MTARC2: variants seen among roughly 807,000 people sequenced by gnomAD.
MTARC2 encodes mitochondrial amidoxime reducing component 2, also known as MOCO sulphurase C-terminal domain containing 2.
Under a neutral mutation model 35.6 loss-of-function variants are expected in MTARC2, and 27 were observed. The observed-to-expected ratio is 0.76, with a 90% CI of 0.56 to 1.04. MTARC2 has a LOEUF of 1.04. Ranked by LOEUF, MTARC2 falls within the 50% of genes least tolerant of loss-of-function variation. MTARC2 has a pLI of 0.00. For synonymous variants in MTARC2, 158 were observed against 167.1 expected, an observed-to-expected ratio of 0.95 and a Z score of 0.42; for missense variants, 412 against 432.5, an observed-to-expected ratio of 0.95 and a Z score of 0.42.
intron 4 of MTARC2, chr1:220,770,459 T>C (rs6697965): frequency 0.23 from 228,530 of 984,974 alleles, 29,562 homozygotes; most frequent in East Asian, 0.68. Context: ...AACGCACGCT[T>C]ATCGATCCCT....
At chr1:220,759,428 C>T (rs1430332958) in intron 2 of MTARC2, among the ~76,000 whole-genome samples, 1 of 152,090 alleles carries the variant, frequency 6.6e-6, no homozygotes, top group South Asian at 2.1e-4. Context: ...GATGGCATGG[C>T]AGAGGGAGCG....
In MTARC2 at chr1:220,761,730, A is replaced by C; in HGVS notation, c.519A>C (p.Lys173Asn). Residue 173 changes from lysine (K) to asparagine (N), a missense_variant, in exon 3 of 8, where the codon AAA becomes AAC. Transcript: ENST00000366913. ...EAAKWFTNFL[K>N]TEAYRLVQFE... ...CTAAGTGGTTCACCAACTTCTTGAA[A>C]ACTGAAGCGTATAGATTGGTTCAAT... 6.2e-7 allele frequency: 1 copy of C among 1,614,156 alleles called. No homozygotes were observed. The highest frequency in any genetic ancestry group is 8.5e-7 in the Non-Finnish European group (1 of 1,180,026).
chr1:220,774,384 A>G (rs1327065119), intron 4 of MTARC2, among the ~76,000 whole-genome samples: 2 of 152,216 alleles, frequency 1.3e-5, no homozygotes, highest in Non-Finnish European at 2.9e-5. Context: ...ATAATCATGT[A>G]GAGTCATTGA....
intron 2 of MTARC2, chr1:220,756,571 G>A (rs140799608): frequency 6.6e-6 from 1 of 152,354 alleles, no homozygotes; most frequent in African/African-American, 2.4e-5. Context: ...GTTTGTGTAG[G>A]GAGAAGAAAA....
intron 7 of MTARC2, among the ~76,000 whole-genome samples, chr1:220,782,397 G>A (rs1268682494): frequency 6.6e-6 from 1 of 151,712 alleles, no homozygotes; most frequent in African/African-American, 2.4e-5. Context: ...ATTGAAGTTT[G>A]AAAAAAAATC....
In MTARC2 at chr1:220,748,736, A is replaced by G. The variant is rs906446979; in HGVS notation, c.205A>G (p.Lys69Glu). Residue 69 changes from lysine to glutamate, a missense_variant, in exon 1 of 8, where the codon AAA becomes GAA. Physicochemically the swap from Lys to Glu is moderately conservative, Grantham distance 56. Coordinates refer to ENST00000366913, the MANE Select transcript of MTARC2 (RefSeq NM_017898.5). ...CTGGATCTACCCGGTGAAATCCTGC[A>G]AAGGGGTGCCGGTGAGCGAGGCTGA... ...KLWIYPVKSC[K>E]GVPVSEAECT... 2 of 1,600,486 alleles carry G rather than the reference A, an allele frequency of 1.2e-6. No individual in the cohort carries two copies. The highest frequency in any genetic ancestry group is 1.7e-5 in the Admixed American group (1 of 58,926).
chr1:220,754,986 T>A lies in MTARC2; in HGVS notation c.312T>A (p.Thr104=). Residue 104 remains threonine (T), a synonymous_variant, in exon 2 of 8, where the codon ACT becomes ACA. Coordinates refer to ENST00000366913, the MANE Select transcript of MTARC2 (RefSeq NM_017898.5). ...TTAAGGAAGATGGACACATGGTCACTGCCCGACAGGAGCCTCGCCTCGTGC... is the reference window on the plus strand; with the variant it reads ...TTAAGGAAGATGGACACATGGTCACAGCCCGACAGGAGCCTCGCCTCGTGC... ...LVIKEDGHMV[T]ARQEPRLVLI... The A allele has an allele frequency of 1.2e-6, 2 of 1,610,360 alleles. No individual in the cohort carries two copies. Among genetic ancestry groups the A allele is most frequent in the Non-Finnish European group, 1.7e-6 (2 of 1,178,320 alleles).
At chr1:220,780,969 C>G (rs1360688233) in intron 6 of MTARC2, among the ~76,000 whole-genome samples, 4 of 134,286 alleles carry the variant, frequency 3.0e-5, no homozygotes, top group Non-Finnish European at 6.2e-5. Flanking sequence ...AATGAGTTGT[C>G]AGAGCTTTTT....
rs1444877197 is a variant in MTARC2, at chr1:220,784,520, C to T, written c.*633C>T. 2 of 152,272 alleles carry T rather than the reference C, an allele frequency of 1.3e-5. No homozygotes were observed. Among genetic ancestry groups the T allele is most frequent in the East Asian group, 3.9e-4 (2 of 5,190 alleles). 9.4% of individuals were successfully genotyped at this position (152,272 alleles called of 1,614,324 possible). A position where few individuals can be genotyped will look rare whatever the true frequency, so the allele number is the denominator to read the frequency against. On this transcript the variant is annotated 3_prime_UTR_variant, in exon 8 of 8. Transcript: ENST00000366913. The stretch of plus-strand genomic sequence containing the variant: ...AGTACTCTATTACACCTTTACTAAG[C>T]CACATAAAAGTAATCTGTTTGTGTG...
chr1:220,753,870 C>T (rs551175058), intron 1 of MTARC2, among the ~76,000 whole-genome samples: 73 of 152,166 alleles, frequency 4.8e-4, no homozygotes, highest in African/African-American at 1.5e-3. Context: ...GCCAACATAG[C>T]GAAACCCCAT....
chr1:220,761,459 T>C (rs1268932591), intron 2 of MTARC2, among the ~76,000 whole-genome samples, 199 bp from the exon 3 acceptor site: 1 of 152,202 alleles, frequency 6.6e-6, no homozygotes, highest in Non-Finnish European at 1.5e-5. Context: ...GATTTGCACA[T>C]ACATTAGGGT....
chr1:220,757,097 T>C (rs1295407341), intron 2 of MTARC2, among the ~76,000 whole-genome samples: 1 of 152,242 alleles, frequency 6.6e-6, no homozygotes, highest in Admixed American at 6.5e-5. Context: ...AAATGGGGTT[T>C]CACCATGTTG....
At chr1:220,761,958 C>A in intron 3 of MTARC2, 138 bp downstream of exon 3, 1 of 850,602 alleles carries the variant, frequency 1.2e-6, no homozygotes, top group Admixed American at 2.5e-5. Context: ...ATAATGAGGG[C>A]ACAGCCTAGG....
intron 4 of MTARC2, among the ~76,000 whole-genome samples, chr1:220,770,119 A>C (rs369400167): frequency 2.6e-4 from 40 of 152,094 alleles, no homozygotes; most frequent in Middle Eastern, 6.8e-3. Flanking sequence ...AAAAACAAAA[A>C]CAAAACCAAA....
intron 2 of MTARC2, among the ~76,000 whole-genome samples, chr1:220,760,645 TTTG>T (rs1264097358): frequency 1.3e-5 from 2 of 152,230 alleles, no homozygotes; most frequent in African/African-American, 2.4e-5. Context: ...GCATATCTAT[TTTG>T]TTATGATCAA....
chr1:220,771,392 GGCACATTTAATAT>G (rs1308667389), intron 4 of MTARC2, among the ~76,000 whole-genome samples: 1 of 151,118 alleles, frequency 6.6e-6, no homozygotes, highest in African/African-American at 2.4e-5. Context: ...GATGCCTCCA[GGCACATTTAATAT>G]GCATTAAGGT....
chr1:220,751,427 T>G (rs921062476), intron 1 of MTARC2, among the ~76,000 whole-genome samples: 5 of 152,152 alleles, frequency 3.3e-5, no homozygotes, highest in African/African-American at 4.8e-5. Context: ...TTGATCAGTT[T>G]TATCTCTCTA....
At chr1:220,774,614 G>T (rs950248684) in intron 4 of MTARC2, among the ~76,000 whole-genome samples, 2 of 152,142 alleles carry the variant, frequency 1.3e-5, no homozygotes, top group Non-Finnish European at 2.9e-5. Context: ...GTGGCAGGAG[G>T]CTCAAGGAAC....
At position 220,778,503 on chromosome 1, in the gene MTARC2, G is replaced by T. The variant is rs950761673; in HGVS notation, c.751-1515G>T. Among the ~76,000 whole-genome samples the T allele has an allele frequency of 5.3e-5, 8 of 152,146 alleles. 1 individual carries two copies. The highest frequency in any genetic ancestry group is 2.6e-4 in the Admixed American group (4 of 15,276). On this transcript the variant is annotated intron_variant, in intron 4 of 7. Coordinates refer to ENST00000366913, the MANE Select transcript of MTARC2 (RefSeq NM_017898.5). ...TCATGAGAACAGCACCAAGGTGGTG[G>T]TGCTAAACCATTCATGAAAGATCCA...
Sources: allele counts gnomAD v4.1 joint callset (sites outside exome capture counted in the v4.1 genomes callset), GRCh38; gene constraint gnomAD v4.1.1; transcripts MANE v1.5; gene names NCBI Gene and HGNC (gene_info 2026-07-23, HGNC 2026-07-21).